The following DISC1 variants were observed in gnomAD, a reference collection of about 807,000 sequenced individuals.
The protein encoded by DISC1 is DISC1 scaffold protein.
Under a neutral mutation model 84.5 loss-of-function variants are expected in DISC1, and 57 were observed. The observed-to-expected ratio is 0.67, with a 90% confidence interval of 0.55 to 0.84. The LOEUF (loss-of-function observed/expected upper bound fraction) is 0.84, where lower values mean the gene tolerates loss of function less well. Among genes scored for constraint, DISC1 ranks in the 40% least tolerant of loss-of-function variants. The probability of loss-of-function intolerance (pLI) is 0.00; values close to 1 mark genes in which losing one functional copy is unlikely to be tolerated. For synonymous variants in DISC1, 411 were observed against 415.2 expected, an observed-to-expected ratio of 0.99 and a Z score of 0.12; for missense variants, 1,000 against 1,057.8, an observed-to-expected ratio of 0.95 and a Z score of 0.76.
At chr1:231,743,680 G>A (rs1374962833) in intron 3 of DISC1, among the ~76,000 whole-genome samples, 1 of 152,180 alleles carries the variant, frequency 6.6e-6, no homozygotes, top group African/African-American at 2.4e-5. Flanking sequence ...ATTTTAAGTG[G>A]GGTGTCTGAA....
intron 3 of DISC1, among the ~76,000 whole-genome samples, chr1:231,717,187 T>TA (rs1005210289): frequency 7.2e-5 from 11 of 151,934 alleles, no homozygotes; most frequent in East Asian, 5.8e-4. Flanking sequence ...TGTGGCCCAT[T>TA]AAAAAAAAGT....
At chr1:231,977,116 TATA>T (rs1662920533) in intron 10 of DISC1, among the ~76,000 whole-genome samples, 1 of 152,200 alleles carries the variant, frequency 6.6e-6, no homozygotes, top group South Asian at 2.1e-4. Flanking sequence ...CTAGAGAAAT[TATA>T]ATGAGCCCCA....
chr1:232,017,480 C>CTTTTT (rs56672398), intron 11 of DISC1, among the ~76,000 whole-genome samples: 8 of 132,800 alleles, frequency 6.0e-5, no homozygotes, highest in Admixed American at 1.5e-4. Context: ...AACACCTGTC[C>CTTTTT]TTTTTTTTTT....
intron 9 of DISC1, among the ~76,000 whole-genome samples, chr1:231,819,688 G>A (rs956962483): frequency 1.3e-5 from 2 of 152,082 alleles, no homozygotes; most frequent in Non-Finnish European, 2.9e-5. Context: ...CCAAGACACC[G>A]CAGCCTGGTT....
At chr1:231,845,836 G>T (rs1412634124) in intron 9 of DISC1, among the ~76,000 whole-genome samples, 31 of 152,130 alleles carry the variant, frequency 2.0e-4, no homozygotes, top group Admixed American at 2.0e-3. Flanking sequence ...GTGGCTGGGA[G>T]CTTGGTGGCT....
rs557007336 is a variant in DISC1 at position 231,633,524 on chromosome 1, T to C, written c.67+6590T>C. Among the ~76,000 whole-genome samples, 9 of 152,312 alleles carry C rather than the reference T, an allele frequency of 5.9e-5. 1 individual carries two copies. In the South Asian group the frequency reaches 1.2e-3, roughly 21 times the overall value. On this transcript the variant is annotated intron_variant, in intron 1 of 12. Transcript: ENST00000439617. ...GTGTAAATTTCCTATTCCCTGCTCA[T>C]TGGGCTTCCACATTTTGCTTCCTTC... is the stretch of plus-strand genomic sequence containing the variant.
At chr1:231,969,612 T>A (rs1381415420) in intron 10 of DISC1, among the ~76,000 whole-genome samples, 8 of 136,298 alleles carry the variant, frequency 5.9e-5, no homozygotes, top group Admixed American at 3.7e-4. Context: ...TTTTTTTTTT[T>A]ATTATACTTT....
chr1:231,935,622 T>C (rs1388299979), intron 9 of DISC1, among the ~76,000 whole-genome samples: 1 of 152,154 alleles, frequency 6.6e-6, no homozygotes, highest in African/African-American at 2.4e-5. Context: ...ATTCGGTGAG[T>C]AGAGGGACTC....
Position 231,954,224 on chromosome 1 carries a change from C to G in DISC1, c.1982-4604C>G, listed in dbSNP as rs1658989686. On this transcript the variant is annotated intron_variant, in intron 9 of 12. Coordinates refer to ENST00000439617, the MANE Select transcript of DISC1 (RefSeq NM_018662.3). This position sits in a 1 kb window ranked among gnomAD's most constrained non-coding sequence, Gnocchi z 4.8. ...CAGTGAGAAATCAGTGTTAAAGAGGCTGGTCCCACAGCTATCTCTGTGTCC... is the reference window on the plus strand; with the variant it reads ...CAGTGAGAAATCAGTGTTAAAGAGGGTGGTCCCACAGCTATCTCTGTGTCC... Among the ~76,000 whole-genome samples the G allele has an allele frequency of 6.6e-6, 1 of 152,156 alleles. No homozygotes were observed. Among genetic ancestry groups the G allele is most frequent in the Non-Finnish European group, 1.5e-5 (1 of 68,038 alleles).
chr1:231,799,915 C>T (rs55708369), intron 7 of DISC1, among the ~76,000 whole-genome samples, 193 bp from the exon 8 acceptor site: 7,810 of 13,898 alleles, frequency 0.56, 3,277 homozygotes, highest in Middle Eastern at 0.63. Context: ...CTCCCTTCTT[C>T]CCTTCCTCCC....
rs1315198877 is a variant in DISC1, at chr1:231,694,470, C to A, written c.712C>A (p.His238Asn). The A allele has an allele frequency of 1.2e-6, 2 of 1,614,162 alleles. No individual in the cohort carries two copies. The highest frequency in any genetic ancestry group is 1.7e-5 in the Admixed American group (1 of 60,012). The change falls in exon 2 of 13, where the codon CAT becomes AAT. Residue 238 changes from histidine to asparagine, a missense_variant. Physicochemically the swap from His to Asn is moderately conservative, Grantham distance 68 (BLOSUM62 1). This residue lies in a region of DISC1 where 311 missense variants were observed against 400.1 expected (regional missense o/e 0.78). Transcript: ENST00000439617. ...CCCACCATCCAGAGAGGCTGAGTCCCATTGCCAGAGCCCCCAGGAGATGGG... is the reference window on the plus strand; with the variant it reads ...CCCACCATCCAGAGAGGCTGAGTCCAATTGCCAGAGCCCCCAGGAGATGGG... ...GCPPSREAES[H>N]CQSPQEMGAK... is the part of the protein sequence containing the mutation.
chr1:231,953,828 G>A (rs1361705264), intron 9 of DISC1, among the ~76,000 whole-genome samples: 3 of 152,132 alleles, frequency 2.0e-5, no homozygotes, highest in East Asian at 1.9e-4. Context: ...AGATCGTATC[G>A]TACTGATCCC....
At chr1:231,941,760 C>T (rs568001338) in intron 9 of DISC1, among the ~76,000 whole-genome samples, 6 of 151,936 alleles carry the variant, frequency 3.9e-5, no homozygotes, top group South Asian at 2.1e-4. Flanking sequence ...CGTGAGCCAC[C>T]GCGCCTGGTC....
At chr1:231,839,377 A>G (rs1279137666) in intron 9 of DISC1, among the ~76,000 whole-genome samples, 1 of 152,210 alleles carries the variant, frequency 6.6e-6, no homozygotes, top group East Asian at 1.9e-4. Context: ...TACATGTAAC[A>G]ATCTTGGCTT....
At chr1:231,921,102 G>A (rs1226806873) in intron 9 of DISC1, among the ~76,000 whole-genome samples, 4 of 150,866 alleles carry the variant, frequency 2.7e-5, no homozygotes, top group African/African-American at 9.8e-5. Context: ...TTTTAGTAGA[G>A]ACGGGGTTTC....
In DISC1 at chr1:231,980,097, A is replaced by G. The variant is rs115361668; in HGVS notation, c.2042+21209A>G. Among the ~76,000 whole-genome samples, 473 of 152,278 alleles carry G rather than the reference A, an allele frequency of 3.1e-3. 2 individuals are homozygous for G. The highest frequency in any genetic ancestry group is 0.011 in the African/African-American group (439 of 41,558). ...AAGTATGACTCTTATTCTGTCTCCA[A>G]CCTGACTTTTATTCTCTCTTCTACC... On this transcript the variant is annotated intron_variant, in intron 10 of 12. Coordinates refer to ENST00000439617, the MANE Select transcript of DISC1 (RefSeq NM_018662.3).
At chr1:231,910,525 C>T (rs1409580897) in intron 9 of DISC1, among the ~76,000 whole-genome samples, 4 of 152,224 alleles carry the variant, frequency 2.6e-5, no homozygotes, top group Admixed American at 2.6e-4. Context: ...TTTGATTGCA[C>T]TGTGGTCTGA....
At chr1:232,019,977 G>A (rs929923176) in intron 11 of DISC1, among the ~76,000 whole-genome samples, 5 of 152,122 alleles carry the variant, frequency 3.3e-5, no homozygotes, top group Admixed American at 1.3e-4. Flanking sequence ...TAGAAGGGAA[G>A]AGAACACCAT....
intron 9 of DISC1, among the ~76,000 whole-genome samples, chr1:231,937,749 T>G (rs1478812291): frequency 6.6e-6 from 1 of 151,412 alleles, no homozygotes; most frequent in African/African-American, 2.4e-5. Flanking sequence ...TTCGATGGGG[T>G]GGGGAAGCAC....
Sources: allele counts gnomAD v4.1 joint callset (sites outside exome capture counted in the v4.1 genomes callset), GRCh38; gene constraint gnomAD v4.1.1; regional missense constraint gnomAD v4.1.1; non-coding constraint Gnocchi (gnomAD v3.1); transcripts MANE v1.5; gene names NCBI Gene and HGNC (gene_info 2026-07-23, HGNC 2026-07-21).